Variants in GABRG3 observed in about 807,000 individuals in gnomAD.
GABRG3 encodes gamma-aminobutyric acid type A receptor subunit gamma3.
A neutral mutation model predicts 48.8 loss-of-function variants in GABRG3; 25 were observed. That is an observed-to-expected ratio of 0.51 (90% confidence interval 0.37 to 0.72). The LOEUF is 0.72. Among genes scored for constraint, GABRG3 ranks in the 30% least tolerant of loss-of-function variants. The probability of loss-of-function intolerance (pLI) is 0.00; values close to 1 mark genes in which losing one functional copy is unlikely to be tolerated. For missense variants in GABRG3, 394 were observed against 577.9 expected, an observed-to-expected ratio of 0.68 and a Z score of 3.26; for synonymous variants, 227 against 217.6, an observed-to-expected ratio of 1.04 and a Z score of -0.38.
At chr15:27,501,362 T>G (rs989556055) in intron 6 of GABRG3, among the ~76,000 whole-genome samples, 1 of 152,186 alleles carries the variant, frequency 6.6e-6, no homozygotes, top group East Asian at 1.9e-4. Flanking sequence ...CAGACTCTTT[T>G]CTAAGCAAGC....
At chr15:27,074,209 A>T (rs1157729955) in intron 3 of GABRG3, among the ~76,000 whole-genome samples, 1 of 151,986 alleles carries the variant, frequency 6.6e-6, no homozygotes, top group Non-Finnish European at 1.5e-5. Context: ...AACACAGGGG[A>T]ATTATGGGAG....
At chr15:27,485,395 G>A (rs1890197211) in intron 6 of GABRG3, among the ~76,000 whole-genome samples, 1 of 152,160 alleles carries the variant, frequency 6.6e-6, no homozygotes, top group South Asian at 2.1e-4. Flanking sequence ...AGGAGAAAGG[G>A]TCTGAAAAGC....
intron 5 of GABRG3, among the ~76,000 whole-genome samples, chr15:27,353,424 TTCTA>T (rs1490977213): frequency 2.4e-4 from 28 of 116,490 alleles, no homozygotes; most frequent in Non-Finnish European, 4.4e-4. Flanking sequence ...TTTTCTTTCT[TTCTA>T]TTTATTTATT....
chr15:27,418,927 G>A (rs1445168063), intron 5 of GABRG3: 1 of 152,148 alleles, frequency 6.6e-6, no homozygotes, highest in African/African-American at 2.4e-5. Flanking sequence ...TGACAACTCG[G>A]GGCTTTGCAG....
intron 2 of GABRG3, among the ~76,000 whole-genome samples, 153 bp from the exon 3 acceptor site, chr15:27,026,601 T>A (rs1895987169): frequency 6.6e-6 from 1 of 152,196 alleles, no homozygotes; most frequent in African/African-American, 2.4e-5. Flanking sequence ...GGGCTTGAAT[T>A]ATAATTACAA....
chr15:27,180,226 A>G lies in GABRG3; in HGVS notation c.271-146583A>G, dbSNP rs542917170. 2.0e-5 allele frequency among the ~76,000 whole-genome samples: 3 copies of G among 152,324 alleles called. No individual in the cohort carries two copies. In the East Asian group the frequency reaches 5.8e-4, roughly 29 times the overall value. On this transcript the variant is annotated intron_variant, in intron 3 of 9. Transcript: ENST00000615808. The surrounding 1 kb of genome is among the most constrained non-coding windows in gnomAD (Gnocchi z 4.2). The stretch of plus-strand genomic sequence containing the variant: ...TTTCTGAAGGACCTTAGCACGGTCT[A>G]AATAAAGTTTGTAAACCACTGATGT...
At position 27,536,998 on chromosome 15, in the gene GABRG3, T is replaced by C. The variant is rs1891560582; in HGVS notation, c.*4117T>C. On this transcript the variant is annotated 3_prime_UTR_variant, in exon 10 of 10. Coordinates refer to ENST00000615808, the MANE Select transcript of GABRG3 (RefSeq NM_033223.5). The stretch of plus-strand genomic sequence containing the variant: ...TCTCCAACCATTATTCTTATCACCG[T>C]ATCGGTTCAGTGCTCTCAAGGCACA... The C allele has an allele frequency of 6.6e-6, 1 of 152,170 alleles. No homozygotes were observed. Among genetic ancestry groups the C allele is most frequent in the Admixed American group, 6.5e-5 (1 of 15,280 alleles). 9.4% of individuals were successfully genotyped at this position (152,170 alleles called of 1,614,324 possible). A position where few individuals can be genotyped will look rare whatever the true frequency, so the allele number is the denominator to read the frequency against.
intron 2 of GABRG3, among the ~76,000 whole-genome samples, chr15:27,014,734 T>C (rs548492306): frequency 6.6e-6 from 1 of 152,248 alleles, no homozygotes; most frequent in Non-Finnish European, 1.5e-5. Context: ...GAGGAGAAGG[T>C]GTATTTTGCT....
intron 3 of GABRG3, among the ~76,000 whole-genome samples, chr15:27,041,434 G>A (rs1248686792): frequency 6.6e-6 from 1 of 152,114 alleles, no homozygotes; most frequent in Non-Finnish European, 1.5e-5. Context: ...TCCTGCCTTG[G>A]CCTCTCAAAG....
In GABRG3 at chr15:27,252,177, G is replaced by A. The variant is rs1224454100; in HGVS notation, c.271-74632G>A. ...TGAAATCGGGGGACATAAGGATGAT[G>A]CCTGAGAGACGGGGGGTGGCCGTGG... On this transcript the variant is annotated intron_variant, in intron 3 of 9. Coordinates refer to ENST00000615808, the MANE Select transcript of GABRG3 (RefSeq NM_033223.5). Among the ~76,000 whole-genome samples, 3 of 152,172 alleles carry A rather than the reference G, an allele frequency of 2.0e-5. No individual in the cohort carries two copies. The East Asian group carries it at 5.8e-4, about 29-fold the overall frequency.
At chr15:27,446,591 T>C (rs1208661580) in intron 5 of GABRG3, among the ~76,000 whole-genome samples, 1 of 152,204 alleles carries the variant, frequency 6.6e-6, no homozygotes, top group African/African-American at 2.4e-5. Context: ...GAGTATAAAA[T>C]TTTTACTTAT....
intron 3 of GABRG3, among the ~76,000 whole-genome samples, chr15:27,191,721 T>G (rs1252131061): frequency 6.6e-6 from 1 of 152,154 alleles, no homozygotes; most frequent in African/African-American, 2.4e-5. Context: ...TTTAGTCCAT[T>G]TACGTTTAAA....
At chr15:27,152,310 T>C (rs1898331711) in intron 3 of GABRG3, among the ~76,000 whole-genome samples, 2 of 152,210 alleles carry the variant, frequency 1.3e-5, no homozygotes, top group South Asian at 4.1e-4. Context: ...TGGAGGTCTT[T>C]CTGGGTTCTC....
chr15:27,279,837 A>G (rs1403353985), intron 3 of GABRG3, among the ~76,000 whole-genome samples: 1 of 152,220 alleles, frequency 6.6e-6, no homozygotes, highest in Non-Finnish European at 1.5e-5. Flanking sequence ...GGTTAGCGTT[A>G]TGATTAGAGC....
At chr15:27,004,596 C>T (rs892335566) in intron 2 of GABRG3, among the ~76,000 whole-genome samples, 1 of 152,254 alleles carries the variant, frequency 6.6e-6, no homozygotes. Context: ...CCAAGGCAGG[C>T]GGCTGGGAGG....
At chr15:27,396,728 C>T (rs1044522697) in intron 5 of GABRG3, among the ~76,000 whole-genome samples, 3 of 152,108 alleles carry the variant, frequency 2.0e-5, no homozygotes, top group African/African-American at 7.2e-5. Flanking sequence ...TTTGAAAGCC[C>T]TCCAGACTTC....
intron 3 of GABRG3, among the ~76,000 whole-genome samples, chr15:27,318,000 C>G (rs1160340970): frequency 1.3e-5 from 2 of 152,150 alleles, no homozygotes; most frequent in Admixed American, 1.3e-4. Context: ...AACCCATGCC[C>G]ATTCTTCAAG....
At chr15:27,214,048 G>A (rs942345357) in intron 3 of GABRG3, among the ~76,000 whole-genome samples, 1 of 152,194 alleles carries the variant, frequency 6.6e-6, no homozygotes. Context: ...CTTTGGCTTC[G>A]CTAAGATGTG....
rs568873665 is a variant in GABRG3 at position 27,137,249 on chromosome 15, C to A, written c.270+110428C>A. Among the ~76,000 whole-genome samples, 14 of 152,312 alleles carry A rather than the reference C, an allele frequency of 9.2e-5. No individual in the cohort carries two copies. In the South Asian group the frequency reaches 2.7e-3, roughly 29 times the overall value. On this transcript the variant is annotated intron_variant, in intron 3 of 9. Transcript: ENST00000615808. Reference sequence around the variant, plus strand: ...TAGCATCTATTGAGAGCTCTCTTTGCATCTCTCTCCTAGTCCATGGACTCT... The same window carrying A: ...TAGCATCTATTGAGAGCTCTCTTTGAATCTCTCTCCTAGTCCATGGACTCT...
Sources: gnomAD v4.1 joint callset for allele counts (sites outside exome capture counted in the v4.1 genomes callset) on GRCh38, gnomAD v4.1.1 for gene constraint, Gnocchi (gnomAD v3.1) non-coding constraint, MANE v1.5 for transcripts, NCBI Gene and HGNC (gene_info 2026-07-23, HGNC 2026-07-21) for gene names.